The following BAZ2B variants were observed in gnomAD, a reference collection of about 807,000 sequenced individuals.
BAZ2B encodes the protein bromodomain adjacent to zinc finger domain 2B, also known as bromodomain adjacent to zinc finger domain protein 2B.
BAZ2B carries 91 observed loss-of-function variants against 246.0 expected under a neutral mutation model. The observed-to-expected ratio is 0.37, with a 90% CI of 0.31 to 0.44. The LOEUF is 0.44. Among genes scored for constraint, BAZ2B ranks in the 20% least tolerant of loss-of-function variants. The probability of loss-of-function intolerance (pLI) is 1.00; values close to 1 mark genes in which losing one functional copy is unlikely to be tolerated. For synonymous variants in BAZ2B, 855 were observed against 860.0 expected, an observed-to-expected ratio of 0.99 and a Z score of 0.10; for missense variants, 2,332 against 2,533.7, an observed-to-expected ratio of 0.92 and a Z score of 1.71.
chr2:159,462,523 A>T lies in BAZ2B; in HGVS notation c.146-8722T>A. ...TATCTGACATTGTTTGACAGTTTTC[A>T]CTAATTGCTGTCTGATATTCATTTT... is the stretch of plus-strand genomic sequence containing the variant. On this transcript the variant is annotated intron_variant, in intron 3 of 36. Transcript: ENST00000392783. 6 of 964,498 alleles carry T rather than the reference A, an allele frequency of 6.2e-6. 1 individual carries two copies. The South Asian group carries it at 7.7e-5, about 12-fold the overall frequency. The allele number at this position is 964,498 out of a possible 1,614,324, so 59.7% of individuals were successfully genotyped here. A position where few individuals can be genotyped will look rare whatever the true frequency, so the allele number is the denominator to read the frequency against.
At chr2:159,614,108 T>G (rs1695320292) in intron 1 of BAZ2B, among the ~76,000 whole-genome samples, 2 of 152,186 alleles carry the variant, frequency 1.3e-5, no homozygotes, top group Admixed American at 1.3e-4. Context: ...ATATGCTGAC[T>G]GAAAATGACT....
At chr2:159,669,995 G>C in the BAZ2B span, among the ~76,000 whole-genome samples, 2 of 151,646 alleles carry the variant, frequency 1.3e-5, no homozygotes, top group Admixed American at 1.3e-4. Flanking sequence ...TCTTGAGATC[G>C]AGTCTTGCTC....
At chr2:159,712,258 C>G in the BAZ2B span, 1 of 152,228 alleles carries the variant, frequency 6.6e-6, no homozygotes, top group Non-Finnish European at 1.5e-5. Flanking sequence ...GCCCGGCGCC[C>G]GCACACTCGC....
At chr2:159,474,892 C>A (rs886708284) in intron 3 of BAZ2B, among the ~76,000 whole-genome samples, 22 of 152,198 alleles carry the variant, frequency 1.4e-4, no homozygotes, top group African/African-American at 5.1e-4. Flanking sequence ...CCCCCACTCT[C>A]TTCTGGCTTG....
chr2:159,445,743 A>G (rs1035015369), intron 6 of BAZ2B, among the ~76,000 whole-genome samples: 1 of 152,210 alleles, frequency 6.6e-6, no homozygotes, highest in Non-Finnish European at 1.5e-5. Flanking sequence ...TACCACCAGT[A>G]GAGAAGCTGT....
intron 19 of BAZ2B, 60 bp downstream of exon 19, chr2:159,397,285 A>C (rs1208430439): frequency 1.5e-6 from 2 of 1,346,960 alleles, no homozygotes; most frequent in Non-Finnish European, 2.1e-6. Context: ...TCCCCCAAAT[A>C]GGTTTAAGCA....
At chr2:159,704,733 C>T in the BAZ2B span, among the ~76,000 whole-genome samples, 7 of 152,004 alleles carry the variant, frequency 4.6e-5, no homozygotes, top group African/African-American at 1.2e-4. Flanking sequence ...CCACCCGCCT[C>T]GGCTTCCCAA....
At chr2:159,562,103 T>A (rs1156825915) in intron 1 of BAZ2B, among the ~76,000 whole-genome samples, 4 of 152,202 alleles carry the variant, frequency 2.6e-5, no homozygotes, top group African/African-American at 4.8e-5. Flanking sequence ...CTAAGAGGTA[T>A]CAATAATTAC....
chr2:159,406,573 T>C (rs2065968455), intron 14 of BAZ2B, among the ~76,000 whole-genome samples: 1 of 152,182 alleles, frequency 6.6e-6, no homozygotes, highest in African/African-American at 2.4e-5. Context: ...ATTACTCATA[T>C]AATCATTTTA....
At chr2:159,545,338 A>G (rs1306293587) in intron 2 of BAZ2B, among the ~76,000 whole-genome samples, 1 of 152,196 alleles carries the variant, frequency 6.6e-6, no homozygotes, top group African/African-American at 2.4e-5. Context: ...CCTGCCAGGA[A>G]ATCATTCATT....
upstream of BAZ2B, among the ~76,000 whole-genome samples, chr2:159,617,946 C>T (rs577792900): frequency 3.9e-5 from 6 of 152,306 alleles, no homozygotes; most frequent in East Asian, 9.6e-4. Flanking sequence ...GAAGGCTGCT[C>T]ATTACAGAGT....
At chr2:159,350,594 C>T (rs906038160) in intron 27 of BAZ2B, among the ~76,000 whole-genome samples, 11 of 151,866 alleles carry the variant, frequency 7.2e-5, no homozygotes, top group Admixed American at 1.3e-4. Flanking sequence ...TTGAGATGGA[C>T]GGAGTCTCAC....
intron 26 of BAZ2B, 38 bp downstream of exon 26, chr2:159,374,653 C>T (rs757026771): frequency 3.4e-5 from 53 of 1,550,996 alleles, no homozygotes; most frequent in Admixed American, 1.0e-4. Context: ...TTCTAAAACA[C>T]TGTGAAGAAG....
At chr2:159,685,878 C>T in the BAZ2B span, among the ~76,000 whole-genome samples, 2 of 152,262 alleles carry the variant, frequency 1.3e-5, no homozygotes, top group South Asian at 4.1e-4. Context: ...TAACTGCACC[C>T]CCTGACCTCA....
intron 8 of BAZ2B, among the ~76,000 whole-genome samples, chr2:159,436,998 G>C (rs970151353): frequency 3.3e-5 from 5 of 152,154 alleles, no homozygotes; most frequent in Admixed American, 6.5e-5. Flanking sequence ...TTTTAGAGTT[G>C]AGTCTAATGT....
chr2:159,378,616 C>G (rs1486654897), intron 25 of BAZ2B, among the ~76,000 whole-genome samples: 1 of 151,994 alleles, frequency 6.6e-6, no homozygotes, highest in African/African-American at 2.4e-5. Context: ...AACCAGATAA[C>G]CAGATTTTAA....
rs539141649 is a variant in BAZ2B at position 159,525,477 on chromosome 2, C to T, written c.-3+30346G>A. 2.6e-5 allele frequency among the ~76,000 whole-genome samples: 4 copies of T among 152,232 alleles called. No homozygotes were observed. In the South Asian group the frequency reaches 6.2e-4, roughly 24 times the overall value. On this transcript the variant is annotated intron_variant, in intron 2 of 36. Transcript: ENST00000392783. ...AAATTCCATACCTGACCTTATGTGA[C>T]GTGTTGCACATTATTTAAAATATCA...
the BAZ2B span, among the ~76,000 whole-genome samples, chr2:159,663,668 T>C: frequency 6.6e-6 from 1 of 151,670 alleles, no homozygotes; most frequent in Non-Finnish European, 1.5e-5. Context: ...TACAGGCACA[T>C]GCCACCACGT....
At chr2:159,641,738 G>C in the BAZ2B span, among the ~76,000 whole-genome samples, 1 of 152,046 alleles carries the variant, frequency 6.6e-6, no homozygotes, top group Non-Finnish European at 1.5e-5. Flanking sequence ...TTTTGTATAT[G>C]GTGTAAGGAG....
Sources: allele counts gnomAD v4.1 joint callset (sites outside exome capture counted in the v4.1 genomes callset), GRCh38; gene constraint gnomAD v4.1.1; transcripts MANE v1.5; gene names NCBI Gene and HGNC (gene_info 2026-07-23, HGNC 2026-07-21).